Variants in PDGFB observed in about 807,000 individuals in gnomAD.
The protein encoded by PDGFB is platelet derived growth factor subunit B.
Under a neutral mutation model 29.0 loss-of-function variants are expected in PDGFB, and 6 were observed. The observed-to-expected ratio is 0.21, with a 90% CI of 0.11 to 0.41. The LOEUF (loss-of-function observed/expected upper bound fraction) is 0.41, where lower values mean the gene tolerates loss of function less well. Among genes scored for constraint, PDGFB ranks in the 10% least tolerant of loss-of-function variants. The pLI is 1.00. For missense variants in PDGFB, 299 were observed against 341.8 expected, an observed-to-expected ratio of 0.87 and a Z score of 0.99; for synonymous variants, 144 against 140.8, an observed-to-expected ratio of 1.02 and a Z score of -0.16.
At chr22:39,241,835 T>C (rs959715116) in intron 1 of PDGFB, among the ~76,000 whole-genome samples, 8 of 152,124 alleles carry the variant, frequency 5.3e-5, no homozygotes, top group African/African-American at 1.9e-4. Flanking sequence ...ACCACCATTT[T>C]CCACCACGCG....
intron 5 of PDGFB, 131 bp from the exon 6 acceptor site, chr22:39,225,978 G>C (rs1482059865): frequency 4.7e-6 from 5 of 1,053,992 alleles, no homozygotes; most frequent in East Asian, 2.7e-5. Flanking sequence ...CAGGGTCCTG[G>C]GTTTGGATCC....
chr22:39,242,508 C>A lies in PDGFB; in HGVS notation c.63+1393G>T, dbSNP rs1164336202. Among the ~76,000 whole-genome samples, 1 of 150,366 alleles carries A rather than the reference C, an allele frequency of 6.7e-6. No homozygotes were observed. Among genetic ancestry groups the A allele is most frequent in the African/African-American group, 2.4e-5 (1 of 41,198 alleles). On this transcript the variant is annotated intron_variant, in intron 1 of 6. Coordinates refer to ENST00000331163, the MANE Select transcript of PDGFB (RefSeq NM_002608.4). This position sits in a 1 kb window ranked among gnomAD's most constrained non-coding sequence, Gnocchi z 5.7. ...GGCGGAGAGGGGGCGTCGGGAGGGG[C>A]CTGAAGGCGGCCCGGCCGAGCCCCG...
Position 39,231,641 on chromosome 22 carries a change from A to G in PDGFB, c.437T>C (p.Val146Ala). ...ACGCACCTGGACAGGTCGCAGCTGC[A>G]CCTGGGTGGGGCGGCACTGCACGTT... ...NRNVQCRPTQ[V>A]QLRPVQVRKI... The change falls in exon 4 of 7, where the codon GTG (valine) becomes GCG (alanine). Residue 146 changes from valine (V) to alanine (A), a missense_variant. By Grantham distance (64) the Val-to-Ala change is moderately conservative. Coordinates refer to ENST00000331163, the MANE Select transcript of PDGFB (RefSeq NM_002608.4). The surrounding 1 kb of genome is among the most constrained non-coding windows in gnomAD (Gnocchi z 4.3). The G allele has an allele frequency of 6.3e-7, 1 of 1,574,918 alleles. No individual in the cohort carries two copies. Among genetic ancestry groups the G allele is most frequent in the Non-Finnish European group, 8.6e-7 (1 of 1,161,546 alleles).
Position 39,231,948 on chromosome 22 carries a change from C to T in PDGFB, c.251-121G>A. ...TCTCACGCCCTTCAACCCCAGGGTT[C>T]AGGTTTCAAGTCCTGGCTGTCATTA... On this transcript the variant is annotated intron_variant, in intron 3 of 6. Coordinates refer to ENST00000331163, the MANE Select transcript of PDGFB (RefSeq NM_002608.4). The surrounding 1 kb of genome is among the most constrained non-coding windows in gnomAD (Gnocchi z 4.3). 1.2e-6 allele frequency: 1 copy of T among 804,682 alleles called. No homozygotes were observed. The highest frequency in any genetic ancestry group is 1.9e-6 in the Non-Finnish European group (1 of 513,798). The allele number at this position is 804,682 out of a possible 1,614,324, so 49.8% of individuals were successfully genotyped here.
rs568698509 is a variant in PDGFB, at chr22:39,244,222, G to C, written c.-259C>G. ...AGGCCGCTACCTGGGCGGATCCCGA[G>C]CCCGAGTGAGCATCCACGGCCGGGG... On this transcript the variant is annotated 5_prime_UTR_variant, in exon 1 of 7. Coordinates refer to ENST00000331163, the MANE Select transcript of PDGFB (RefSeq NM_002608.4). The surrounding 1 kb of genome is among the most constrained non-coding windows in gnomAD (Gnocchi z 4.5). 3.9e-6 allele frequency: 1 copy of C among 254,652 alleles called. No individual in the cohort carries two copies. Among genetic ancestry groups the C allele is most frequent in the East Asian group, 6.1e-5 (1 of 16,440 alleles). 15.8% of individuals were successfully genotyped at this position (254,652 alleles called of 1,614,324 possible). A position where few individuals can be genotyped will look rare whatever the true frequency, so the allele number is the denominator to read the frequency against.
intron 5 of PDGFB, among the ~76,000 whole-genome samples, chr22:39,229,527 C>T (rs1397338215): frequency 6.6e-6 from 1 of 152,182 alleles, no homozygotes; most frequent in Non-Finnish European, 1.5e-5. Flanking sequence ...GATTTCTCAT[C>T]CCCAGGACAA....
chr22:39,240,255 G>A (rs976561087), intron 1 of PDGFB, among the ~76,000 whole-genome samples: 2 of 152,094 alleles, frequency 1.3e-5, no homozygotes, highest in Non-Finnish European at 2.9e-5. Context: ...GGCAACCACG[G>A]CAATCACTGC....
At chr22:39,233,002 G>A (rs1269597428) in intron 3 of PDGFB, among the ~76,000 whole-genome samples, 2 of 152,170 alleles carry the variant, frequency 1.3e-5, no homozygotes, top group South Asian at 2.1e-4. Flanking sequence ...CTAGGCCGCG[G>A]CCCTTTGCCA....
rs1932090688 is a variant in PDGFB, at chr22:39,223,460, C to G, written c.*1882G>C. On this transcript the variant is annotated 3_prime_UTR_variant, in exon 7 of 7. Transcript: ENST00000331163. ...CAACAGAGTAGCCTGTGTGTCTCTTCTTCCCGCCAGACAGAGGCCTCCCCC... is the reference window on the plus strand; with the variant it reads ...CAACAGAGTAGCCTGTGTGTCTCTTGTTCCCGCCAGACAGAGGCCTCCCCC... 6.6e-6 allele frequency: 1 copy of G among 152,310 alleles called. No individual in the cohort carries two copies. The highest frequency in any genetic ancestry group is 1.5e-5 in the Non-Finnish European group (1 of 68,088). 9.4% of individuals were successfully genotyped at this position (152,310 alleles called of 1,614,324 possible).
In PDGFB at chr22:39,243,297, CCT is replaced by C. The variant is rs903587374; in HGVS notation, c.63+602_63+603del. Among the ~76,000 whole-genome samples, 23 of 148,470 alleles carry C rather than the reference CCT, an allele frequency of 1.5e-4. No homozygotes were observed. The highest frequency in any genetic ancestry group is 4.4e-4 in the African/African-American group (17 of 38,826). On this transcript the variant is annotated intron_variant, in intron 1 of 6. Transcript: ENST00000331163. The surrounding 1 kb of genome is among the most constrained non-coding windows in gnomAD (Gnocchi z 6.4). ...CTTTCTCTCTCTCTCTCTCTCTCTC[CCT>C]GTTACTCCCACCCCAAACCCCGCGC...
chr22:39,234,598 C>T lies in PDGFB; in HGVS notation c.161-1074G>A, dbSNP rs568281822. On this transcript the variant is annotated intron_variant, in intron 2 of 6. Transcript: ENST00000331163. Reference sequence around the variant, plus strand: ...AGTCTGATGACTAGTCCGCTTCCGTCCAGCCTGACAGCCCCTACGTCAACG... The same window carrying T: ...AGTCTGATGACTAGTCCGCTTCCGTTCAGCCTGACAGCCCCTACGTCAACG... Among the ~76,000 whole-genome samples the T allele has an allele frequency of 2.6e-5, 4 of 152,370 alleles. No homozygotes were observed. In the South Asian group the frequency reaches 8.3e-4, roughly 32 times the overall value.
chr22:39,235,798 A>T lies in PDGFB; in HGVS notation c.140T>A (p.Leu47Gln). ...TTTACCTCCGGGGTCTCCGTGCAGC[A>T]GGCGTTGGAGATCATCAAAGGAGCG... ...SIRSFDDLQR[L>Q]LHGDPGEEDG... is the part of the protein sequence containing the mutation. Residue 47 changes from leucine to glutamine, a missense_variant, in exon 2 of 7, where the codon CTG becomes CAG. By Grantham distance (113) the Leu-to-Gln change is moderately radical. Coordinates refer to ENST00000331163, the MANE Select transcript of PDGFB (RefSeq NM_002608.4). The T allele has an allele frequency of 6.2e-7, 1 of 1,613,296 alleles. No individual in the cohort carries two copies. The highest frequency in any genetic ancestry group is 8.5e-7 in the Non-Finnish European group (1 of 1,179,284).
At chr22:39,241,248 TGCCTGCCG>T in intron 1 of PDGFB, 3 of 427,392 alleles carry the variant, frequency 7.0e-6, no homozygotes, top group South Asian at 5.4e-5. Context: ...GCCTCACGGC[TGCCTGCCG>T]TCTGCTGAAA....
chr22:39,230,371 G>A (rs868162805), intron 4 of PDGFB, 143 bp from the exon 5 acceptor site: 3 of 744,022 alleles, frequency 4.0e-6, no homozygotes, highest in East Asian at 2.7e-5. Context: ...TGGGGCAAAA[G>A]CTTTGGCCCA....
At chr22:39,240,098 C>T (rs1932532465) in intron 1 of PDGFB, among the ~76,000 whole-genome samples, 1 of 152,256 alleles carries the variant, frequency 6.6e-6, no homozygotes, top group Non-Finnish European at 1.5e-5. Context: ...TCCCACCTAG[C>T]ATTCCCCTTC....
chr22:39,226,615 G>A (rs1233318496), intron 5 of PDGFB, among the ~76,000 whole-genome samples: 2 of 152,252 alleles, frequency 1.3e-5, no homozygotes, highest in Non-Finnish European at 2.9e-5. Flanking sequence ...CTCCAAGTAT[G>A]AAGTGGTCAG....
intron 4 of PDGFB, 82 bp from the exon 5 acceptor site, chr22:39,230,310 C>A (rs1932268124): frequency 7.3e-7 from 1 of 1,367,716 alleles, no homozygotes; most frequent in Admixed American, 1.8e-5. Context: ...GCGCTTCCCA[C>A]CCCGGTGTCC....
chr22:39,225,553 C>T (rs1932143891), intron 6 of PDGFB, 142 bp downstream of exon 6: 1 of 776,506 alleles, frequency 1.3e-6, no homozygotes, highest in South Asian at 2.0e-5. Flanking sequence ...ACCCACCCTG[C>T]CCCAGCTGAT....
chr22:39,231,827 C>A lies in PDGFB; in HGVS notation c.251G>T (p.Gly84Val). Reference protein sequence around the residue: ...ESLARGRRSLGSLTIAEPAMI... With the variant: ...ESLARGRRSLVSLTIAEPAMI... ...GGCCGGCTCAGCAATGGTCAGGGAA[C>A]CTGGGAGGAGACGAAACCTGGGTCA... Residue 84 changes from glycine to valine, a missense_variant and splice_region_variant, in exon 4 of 7, where the codon GGT becomes GTT. Gly to Val is a moderately radical substitution (Grantham distance 109). Coordinates refer to ENST00000331163, the MANE Select transcript of PDGFB (RefSeq NM_002608.4). This position sits in a 1 kb window ranked among gnomAD's most constrained non-coding sequence, Gnocchi z 4.3. 1 of 1,612,372 alleles carries A rather than the reference C, an allele frequency of 6.2e-7. No individual in the cohort carries two copies. The highest frequency in any genetic ancestry group is 8.5e-7 in the Non-Finnish European group (1 of 1,179,726).
Sources: allele counts gnomAD v4.1 joint callset (sites outside exome capture counted in the v4.1 genomes callset), GRCh38; gene constraint gnomAD v4.1.1; non-coding constraint Gnocchi (gnomAD v3.1); transcripts MANE v1.5; gene names NCBI Gene and HGNC (gene_info 2026-07-23, HGNC 2026-07-21).